STXBP5L: variants seen among roughly 807,000 people sequenced by gnomAD.
STXBP5L encodes syntaxin binding protein 5L.
STXBP5L carries 65 observed loss-of-function variants against 144.5 expected under a neutral mutation model. The ratio of observed to expected loss-of-function variants is 0.45; its 90% confidence interval spans 0.37 to 0.55. The LOEUF (loss-of-function observed/expected upper bound fraction) is 0.55, where lower values mean the gene tolerates loss of function less well. STXBP5L is among the 20% of genes least tolerant of loss of function. The pLI is 0.00. For missense variants in STXBP5L, 1,298 were observed against 1,405.5 expected (o/e 0.92, Z 1.22); for synonymous variants, 505 against 469.6 (o/e 1.08, Z -0.97).
chr3:120,983,202 C>T (rs117353477), intron 3 of STXBP5L, among the ~76,000 whole-genome samples: 1,697 of 152,234 alleles, frequency 0.011, 47 homozygotes, highest in South Asian at 0.069. Context: ...GGGCAGAACA[C>T]AGGCGTCTGG....
intron 10 of STXBP5L, among the ~76,000 whole-genome samples, chr3:121,208,509 A>C (rs556822352): frequency 5.6e-4 from 85 of 152,068 alleles, no homozygotes; most frequent in Middle Eastern, 3.4e-3. Context: ...TAACAAAAAA[A>C]CCCACTGTTT....
intron 18 of STXBP5L, among the ~76,000 whole-genome samples, chr3:121,259,370 A>G (rs1253616080): frequency 1.3e-5 from 2 of 152,054 alleles, no homozygotes; most frequent in East Asian, 3.8e-4. Flanking sequence ...TAGTGTTCCC[A>G]ATTTTGATGT....
intron 3 of STXBP5L, among the ~76,000 whole-genome samples, chr3:120,979,427 C>T (rs1941498258): frequency 6.6e-6 from 1 of 152,120 alleles, no homozygotes; most frequent in Admixed American, 6.6e-5. Flanking sequence ...TGGGCGTGAC[C>T]CAATTTTCCA....
intron 5 of STXBP5L, among the ~76,000 whole-genome samples, chr3:121,092,496 A>C (rs1383696830): frequency 6.6e-6 from 1 of 152,050 alleles, no homozygotes; most frequent in East Asian, 1.9e-4. Flanking sequence ...CGTCCCTTGT[A>C]AGTTGGATTC....
At chr3:121,128,939 A>G (rs1354051103) in intron 7 of STXBP5L, among the ~76,000 whole-genome samples, 1 of 152,158 alleles carries the variant, frequency 6.6e-6, no homozygotes, top group East Asian at 1.9e-4. Context: ...TACATATAGT[A>G]ATTATAGAAA....
Position 121,326,205 on chromosome 3 carries a change from G to T in STXBP5L, c.2176+7665G>T, listed in dbSNP as rs554072064. On this transcript the variant is annotated intron_variant, in intron 20 of 26. Transcript: ENST00000471454. ...GTGTCACAACATTAAACATTGTCAT[G>T]CTGGAGCAAATTCTAATAAAAAATA... 6.3e-4 allele frequency among the ~76,000 whole-genome samples: 96 copies of T among 152,018 alleles called. 1 individual carries two copies. In the South Asian group the frequency reaches 0.019, roughly 30 times the overall value.
At chr3:121,094,281 A>G (rs2042993086) in intron 5 of STXBP5L, among the ~76,000 whole-genome samples, 1 of 152,146 alleles carries the variant, frequency 6.6e-6, no homozygotes, top group African/African-American at 2.4e-5. Context: ...GTAGATGTCT[A>G]TTAGGTCCGC....
At chr3:121,238,238 T>C (rs2049547798) in intron 12 of STXBP5L, among the ~76,000 whole-genome samples, 1 of 152,164 alleles carries the variant, frequency 6.6e-6, no homozygotes, top group Non-Finnish European at 1.5e-5. Context: ...CTGTATGTGG[T>C]GAGAACCTGA....
chr3:121,174,504 T>C (rs1173176381), intron 9 of STXBP5L, among the ~76,000 whole-genome samples: 1 of 152,022 alleles, frequency 6.6e-6, no homozygotes, highest in East Asian at 1.9e-4. Context: ...TACTGAAAGG[T>C]CAACTGTAAT....
At chr3:121,039,132 C>A (rs1031991834) in intron 3 of STXBP5L, among the ~76,000 whole-genome samples, 1 of 151,716 alleles carries the variant, frequency 6.6e-6, no homozygotes, top group Non-Finnish European at 1.5e-5. Context: ...ATAAATCTAC[C>A]ATCTTGCTCT....
chr3:121,341,953 T>C (rs2044728958), intron 20 of STXBP5L, among the ~76,000 whole-genome samples: 1 of 152,010 alleles, frequency 6.6e-6, no homozygotes. Flanking sequence ...CAGTCAACAA[T>C]AATTTATTGT....
At chr3:121,012,854 C>T (rs1030448929) in intron 3 of STXBP5L, among the ~76,000 whole-genome samples, 3 of 151,710 alleles carry the variant, frequency 2.0e-5, no homozygotes, top group African/African-American at 4.8e-5. Context: ...TTCCCTCCAC[C>T]CTTTTGATAT....
At chr3:121,042,124 T>G (rs1379407512) in intron 4 of STXBP5L, among the ~76,000 whole-genome samples, 1 of 152,160 alleles carries the variant, frequency 6.6e-6, no homozygotes, top group African/African-American at 2.4e-5. Context: ...ATTTTGTAAT[T>G]AAGGCCTAAC....
chr3:121,076,127 A>G (rs2042008649), intron 5 of STXBP5L, among the ~76,000 whole-genome samples: 1 of 152,110 alleles, frequency 6.6e-6, no homozygotes, highest in South Asian at 2.1e-4. Flanking sequence ...TGTGCATTCA[A>G]ATAAATTTGT....
chr3:121,066,523 T>G (rs1263581998), intron 5 of STXBP5L, among the ~76,000 whole-genome samples: 1 of 152,058 alleles, frequency 6.6e-6, no homozygotes, highest in Non-Finnish European at 1.5e-5. Flanking sequence ...CAGTTGATCT[T>G]TAAATGTTAG....
intron 3 of STXBP5L, among the ~76,000 whole-genome samples, chr3:120,980,660 C>T (rs1437779020): frequency 6.6e-6 from 1 of 151,908 alleles, no homozygotes; most frequent in Non-Finnish European, 1.5e-5. Context: ...ATTCATTCTG[C>T]CAATCTATAT....
intron 5 of STXBP5L, among the ~76,000 whole-genome samples, chr3:121,051,979 A>G (rs1948042563): frequency 6.6e-6 from 1 of 152,232 alleles, no homozygotes; most frequent in African/African-American, 2.4e-5. Flanking sequence ...TAGAAAATCT[A>G]GAAGAAATGG....
At chr3:121,038,573 C>CT (rs1238998786) in intron 3 of STXBP5L, among the ~76,000 whole-genome samples, 1 of 151,702 alleles carries the variant, frequency 6.6e-6, no homozygotes, top group African/African-American at 2.4e-5. Context: ...TTATTCTGCT[C>CT]TTTTTGGGTT....
At chr3:121,296,982 A>G (rs902252448) in intron 19 of STXBP5L, among the ~76,000 whole-genome samples, 2 of 152,174 alleles carry the variant, frequency 1.3e-5, no homozygotes, top group Non-Finnish European at 2.9e-5. Context: ...ATGAATTAAA[A>G]CTATCTGAAA....
Sources: gnomAD v4.1 joint callset for allele counts (sites outside exome capture counted in the v4.1 genomes callset) on GRCh38, gnomAD v4.1.1 for gene constraint, MANE v1.5 for transcripts, NCBI Gene and HGNC (gene_info 2026-07-23, HGNC 2026-07-21) for gene names.